XRRA1: variants seen among roughly 807,000 people sequenced by gnomAD.
The protein encoded by XRRA1 is X-ray radiation resistance associated 1.
Under a neutral mutation model 80.2 loss-of-function variants are expected in XRRA1, and 69 were observed. The ratio of observed to expected loss-of-function variants is 0.86; its 90% CI spans 0.71 to 1.05. XRRA1 has a LOEUF of 1.05. Ranked by LOEUF, XRRA1 falls within the 50% of genes least tolerant of loss-of-function variation. The probability of loss-of-function intolerance (pLI) is 0.00; values close to 1 mark genes in which losing one functional copy is unlikely to be tolerated. For synonymous variants in XRRA1, 348 were observed against 389.9 expected (o/e 0.89, Z 1.27); for missense variants, 967 against 976.4 (o/e 0.99, Z 0.13).
intron 10 of XRRA1, among the ~76,000 whole-genome samples, chr11:74,865,530 C>T (rs1377797228): frequency 6.6e-6 from 1 of 152,068 alleles, no homozygotes; most frequent in Non-Finnish European, 1.5e-5. Context: ...ATGACAGGCA[C>T]ACCAGCCTCC....
rs770156118 is a variant in XRRA1, at chr11:74,848,346, T to A, written c.1497A>T (p.Glu499Asp). 1.2e-6 allele frequency: 2 copies of A among 1,613,924 alleles called. No homozygotes were observed. Among genetic ancestry groups the A allele is most frequent in the Non-Finnish European group, 1.7e-6 (2 of 1,179,850 alleles). Reference sequence around the variant, plus strand: ...AAGTGCTTTTGGTAGTGGGCAGATCTTCAGCCAGCTCTGCCTCTGGCTCTA... The same window carrying A: ...AAGTGCTTTTGGTAGTGGGCAGATCATCAGCCAGCTCTGCCTCTGGCTCTA... Reference protein sequence around the residue: ...DMLEPEAELAEDLPTTKSTSV... With the variant: ...DMLEPEAELADDLPTTKSTSV... The change falls in exon 15 of 19, where the codon GAA (glutamate) becomes GAT (aspartate). Residue 499 changes from glutamate to aspartate, a missense_variant. Transcript: ENST00000684022.
chr11:74,907,493 A>G (rs542036080), intron 8 of XRRA1, among the ~76,000 whole-genome samples: 19 of 152,280 alleles, frequency 1.2e-4, no homozygotes, highest in African/African-American at 4.6e-4. Context: ...TGTCTTCTGT[A>G]TGGAGAAAGG....
At position 74,845,218 on chromosome 11, in the gene XRRA1, C is replaced by T; in HGVS notation, c.1782G>A (p.Glu594=). ...VIHKDDLELK[E]KDQKKPPTAP... is the part of the protein sequence containing the mutation. The stretch of plus-strand genomic sequence containing the variant: ...CCGTTGGTGGTTTCTTTTGGTCTTT[C>T]TCCTTTAACTCTAAATCATCCTTAT... The change falls in exon 16 of 19, where the codon GAG becomes GAA. Residue 594 remains glutamate, a synonymous_variant. Coordinates refer to ENST00000684022, the MANE Select transcript of XRRA1 (RefSeq NM_001378157.1). 6.2e-7 allele frequency: 1 copy of T among 1,613,974 alleles called. No homozygotes were observed. The highest frequency in any genetic ancestry group is 8.5e-7 in the Non-Finnish European group (1 of 1,179,882).
intron 7 of XRRA1, among the ~76,000 whole-genome samples, chr11:74,923,320 G>A (rs1327106444): frequency 1.3e-5 from 2 of 152,192 alleles, no homozygotes; most frequent in Non-Finnish European, 2.9e-5. Context: ...AAGTACTACA[G>A]AAGCTCCAAG....
intron 10 of XRRA1, among the ~76,000 whole-genome samples, chr11:74,891,750 T>C (rs1252750017): frequency 6.6e-6 from 1 of 152,162 alleles, no homozygotes; most frequent in South Asian, 2.1e-4. Context: ...AGCATTCTTA[T>C]ACACCAATAA....
chr11:74,924,183 G>A (rs1260847422), intron 7 of XRRA1, among the ~76,000 whole-genome samples: 2 of 149,716 alleles, frequency 1.3e-5, no homozygotes, highest in Admixed American at 6.6e-5. Flanking sequence ...TAAAAAAAAA[G>A]AGTAAGAGTG....
At chr11:74,857,626 A>G (rs754173652) in intron 12 of XRRA1, among the ~76,000 whole-genome samples, 6 of 152,240 alleles carry the variant, frequency 3.9e-5, no homozygotes, top group Non-Finnish European at 5.9e-5. Flanking sequence ...CTTAATATTT[A>G]TAGAACACTT....
chr11:74,859,874 G>A (rs2041960726), intron 11 of XRRA1, among the ~76,000 whole-genome samples: 1 of 152,026 alleles, frequency 6.6e-6, no homozygotes, highest in Non-Finnish European at 1.5e-5. Flanking sequence ...ATCCCTTGCA[G>A]GGTCATGTTC....
intron 8 of XRRA1, among the ~76,000 whole-genome samples, chr11:74,910,966 A>G (rs1480517301): frequency 5.9e-5 from 9 of 152,158 alleles, no homozygotes; most frequent in Non-Finnish European, 1.3e-4. Context: ...AAAGGAAAGA[A>G]AGGAGGAGAG....
intron 5 of XRRA1, among the ~76,000 whole-genome samples, chr11:74,932,197 G>T (rs760069804): frequency 6.6e-6 from 1 of 151,998 alleles, no homozygotes; most frequent in African/African-American, 2.4e-5. Flanking sequence ...TTTGTTTGTG[G>T]TAACTTTTGT....
chr11:74,887,584 T>C (rs2049363774), intron 10 of XRRA1, among the ~76,000 whole-genome samples: 1 of 152,062 alleles, frequency 6.6e-6, no homozygotes, highest in Admixed American at 6.5e-5. Flanking sequence ...TGCAGGACAG[T>C]GGGTGCAGCG....
intron 8 of XRRA1, among the ~76,000 whole-genome samples, chr11:74,914,330 T>A (rs1190254306): frequency 2.6e-5 from 4 of 152,254 alleles, no homozygotes; most frequent in Non-Finnish European, 4.4e-5. Context: ...GGTGCTGTTC[T>A]AACTCATTTA....
intron 10 of XRRA1, among the ~76,000 whole-genome samples, chr11:74,902,141 A>G (rs1031827717): frequency 3.3e-5 from 5 of 152,242 alleles, no homozygotes; most frequent in Admixed American, 2.6e-4. Context: ...AAGTCATTCA[A>G]ATGGAAAACA....
chr11:74,843,021 TG>T lies in XRRA1; in HGVS notation c.*178del. The T allele has an allele frequency of 1.2e-6, 1 of 825,372 alleles. No individual in the cohort carries two copies. The highest frequency in any genetic ancestry group is 1.8e-6 in the Non-Finnish European group (1 of 544,868). The allele number at this position is 825,372 out of a possible 1,614,324, so 51.1% of individuals were successfully genotyped here. On this transcript the variant is annotated 3_prime_UTR_variant, in exon 19 of 19. Coordinates refer to ENST00000684022, the MANE Select transcript of XRRA1 (RefSeq NM_001378157.1). ...GCTGGGCCAGGCACCAGGTCATGCCTGGGCCAAGGAGGGGAGATCCTGACAA... is the reference window on the plus strand; with the variant it reads ...GCTGGGCCAGGCACCAGGTCATGCCTGGCCAAGGAGGGGAGATCCTGACAA...
At chr11:74,888,986 T>C (rs1255511589) in intron 10 of XRRA1, among the ~76,000 whole-genome samples, 1 of 152,230 alleles carries the variant, frequency 6.6e-6, no homozygotes, top group Non-Finnish European at 1.5e-5. Flanking sequence ...CTCTGCAGGA[T>C]ATTATCCAGG....
chr11:74,906,553 G>C (rs1200711688), intron 9 of XRRA1, 97 bp from the exon 10 acceptor site: 14 of 1,351,870 alleles, frequency 1.0e-5, no homozygotes, highest in Non-Finnish European at 1.0e-5. Context: ...AATCAGGCTT[G>C]GATACTTATT....
rs149100919 is a variant in XRRA1, at chr11:74,856,678, C to T, written c.1170+2480G>A. ...GCTGCAGACATCCAGGGAGTTCACACTCACTAGTGTGAGAAAGACTGGAGG... is the reference window on the plus strand; with the variant it reads ...GCTGCAGACATCCAGGGAGTTCACATTCACTAGTGTGAGAAAGACTGGAGG... On this transcript the variant is annotated intron_variant, in intron 12 of 18. Transcript: ENST00000684022. Among the ~76,000 whole-genome samples the T allele has an allele frequency of 1.2e-4, 18 of 152,358 alleles. 1 individual carries two copies. The East Asian group carries it at 3.5e-3, about 29-fold the overall frequency.
In XRRA1 at chr11:74,841,976, A is replaced by AG. The variant is rs779217635; in HGVS notation, c.*1223dup. 5.9e-5 allele frequency: 9 copies of AG among 152,126 alleles called. No homozygotes were observed. The highest frequency in any genetic ancestry group is 1.2e-4 in the Non-Finnish European group (8 of 68,040). 9.4% of individuals were successfully genotyped at this position (152,126 alleles called of 1,614,324 possible). A position where few individuals can be genotyped will look rare whatever the true frequency, so the allele number is the denominator to read the frequency against. ...CTAGTGAGAGAATAGATACTATGCA[A>AG]GGGAAAAAAATTTAAATGCCAACGA... is the stretch of plus-strand genomic sequence containing the variant. On this transcript the variant is annotated 3_prime_UTR_variant, in exon 19 of 19. Transcript: ENST00000684022.
intron 10 of XRRA1, among the ~76,000 whole-genome samples, chr11:74,891,572 G>C (rs1413824692): frequency 6.6e-6 from 1 of 152,114 alleles, no homozygotes; most frequent in Non-Finnish European, 1.5e-5. Context: ...GGCAGGAGAA[G>C]GAAATAAAGG....
Sources: gnomAD v4.1 joint callset for allele counts (sites outside exome capture counted in the v4.1 genomes callset) on GRCh38, gnomAD v4.1.1 for gene constraint, MANE v1.5 for transcripts, NCBI Gene and HGNC (gene_info 2026-07-23, HGNC 2026-07-21) for gene names.